The following DNAAF11 variants were observed in gnomAD, a reference collection of about 807,000 sequenced individuals.
DNAAF11 encodes dynein axonemal assembly factor 11, also known as leucine rich repeat containing 6.
A neutral mutation model predicts 60.8 loss-of-function variants in DNAAF11; 45 were observed. The ratio of observed to expected loss-of-function variants is 0.74; its 90% CI spans 0.58 to 0.95. DNAAF11 has a LOEUF of 0.95. DNAAF11 is among the 40% of genes least tolerant of loss of function. The probability of loss-of-function intolerance (pLI) is 0.00; values close to 1 mark genes in which losing one functional copy is unlikely to be tolerated. For synonymous variants in DNAAF11, 191 were observed against 183.5 expected (o/e 1.04, Z -0.33); for missense variants, 546 against 546.2 (o/e 1.00, Z 0.00).
chr8:132,589,602 T>C (rs559691091), intron 10 of DNAAF11, among the ~76,000 whole-genome samples: 1 of 152,356 alleles, frequency 6.6e-6, no homozygotes, highest in Non-Finnish European at 1.5e-5. Context: ...TTTCTGTTCC[T>C]GCACCCAACC....
chr8:132,663,960 G>T (rs539486747), intron 1 of DNAAF11, among the ~76,000 whole-genome samples: 4 of 152,332 alleles, frequency 2.6e-5, no homozygotes, highest in Admixed American at 6.5e-5. Flanking sequence ...AGTCAGAGAT[G>T]GGAAGAAAAG....
intron 7 of DNAAF11, among the ~76,000 whole-genome samples, chr8:132,620,222 A>T (rs944529568): frequency 6.6e-6 from 1 of 152,150 alleles, no homozygotes; most frequent in African/African-American, 2.4e-5. Flanking sequence ...GGACCAGCCC[A>T]AGAGTGGGTA....
intron 8 of DNAAF11, among the ~76,000 whole-genome samples, chr8:132,613,512 T>G (rs1414509972): frequency 1.3e-5 from 2 of 152,180 alleles, no homozygotes; most frequent in African/African-American, 4.8e-5. Context: ...GATTAGTGGT[T>G]GCCATGAAGA....
In DNAAF11 at chr8:132,637,983, G is replaced by C; in HGVS notation, c.381C>G (p.Ser127=). The C allele has an allele frequency of 6.2e-7, 1 of 1,614,094 alleles. No individual in the cohort carries two copies. ...ELFLMGNPCA[S]FDHYREFVVA... Reference sequence around the variant, plus strand: ...CCACGAACTCCCTATAGTGGTCAAAGGAAGCACATGGGTTCCCCATGAGAA... The same window carrying C: ...CCACGAACTCCCTATAGTGGTCAAACGAAGCACATGGGTTCCCCATGAGAA... The change falls in exon 4 of 12, where the codon TCC becomes TCG. Residue 127 remains serine, a synonymous_variant. Coordinates refer to ENST00000620350, the MANE Select transcript of DNAAF11 (RefSeq NM_012472.6).
intron 3 of DNAAF11, among the ~76,000 whole-genome samples, chr8:132,650,872 T>C (rs1430904409): frequency 2.0e-5 from 3 of 152,212 alleles, no homozygotes; most frequent in African/African-American, 4.8e-5. Flanking sequence ...TATCTTTGGA[T>C]GTTGCTATAA....
the DNAAF11 span, among the ~76,000 whole-genome samples, chr8:132,693,782 C>A: frequency 3.3e-5 from 5 of 152,010 alleles, no homozygotes; most frequent in Admixed American, 6.6e-5. Context: ...GACAGGGGAG[C>A]AGCAAATGGC....
At chr8:132,578,200 T>G (rs1814958216) in intron 11 of DNAAF11, among the ~76,000 whole-genome samples, 1 of 152,132 alleles carries the variant, frequency 6.6e-6, no homozygotes, top group Admixed American at 6.6e-5. Flanking sequence ...GGGCCATAAT[T>G]TCTGGTCTCA....
the DNAAF11 span, among the ~76,000 whole-genome samples, chr8:132,693,583 T>C: frequency 5.3e-5 from 8 of 151,982 alleles, no homozygotes; most frequent in Non-Finnish European, 8.8e-5. Flanking sequence ...GAAGCTTATA[T>C]TAATACAGGA....
intron 4 of DNAAF11, among the ~76,000 whole-genome samples, chr8:132,635,325 G>A (rs1821186517): frequency 6.6e-6 from 1 of 152,178 alleles, no homozygotes; most frequent in South Asian, 2.1e-4. Context: ...TGCAAGTGCT[G>A]AAGCAGAGAG....
chr8:132,627,442 T>C (rs993384050), intron 5 of DNAAF11, among the ~76,000 whole-genome samples: 16 of 152,274 alleles, frequency 1.1e-4, no homozygotes, highest in East Asian at 3.9e-4. Flanking sequence ...TCTTCAACCA[T>C]TGCCTTCAAA....
At chr8:132,587,863 A>G (rs1816061978) in intron 10 of DNAAF11, among the ~76,000 whole-genome samples, 1 of 152,206 alleles carries the variant, frequency 6.6e-6, no homozygotes, top group Non-Finnish European at 1.5e-5. Flanking sequence ...ACGAGAGTTC[A>G]CTTTTCTACA....
upstream of DNAAF11, among the ~76,000 whole-genome samples, chr8:132,679,844 C>A (rs1354913335): frequency 1.3e-5 from 2 of 152,210 alleles, no homozygotes; most frequent in Non-Finnish European, 2.9e-5. Flanking sequence ...GAGGCCTCCA[C>A]AGCCACGTGG....
At chr8:132,628,034 C>A (rs1428740729) in intron 5 of DNAAF11, among the ~76,000 whole-genome samples, 1 of 152,182 alleles carries the variant, frequency 6.6e-6, no homozygotes, top group Admixed American at 6.5e-5. Context: ...CCCCTAGTGA[C>A]TTATTGCTGC....
intron 6 of DNAAF11, among the ~76,000 whole-genome samples, chr8:132,623,470 T>C (rs893214409): frequency 1.3e-5 from 2 of 151,986 alleles, no homozygotes; most frequent in Non-Finnish European, 1.5e-5. Context: ...TTAACACTCA[T>C]TACACTGAAG....
At chr8:132,687,368 A>G in the DNAAF11 span, 2 of 286,462 alleles carry the variant, frequency 7.0e-6, no homozygotes, top group Non-Finnish European at 6.9e-6. Context: ...AATGTATAAC[A>G]CAGAAAAAGA....
chr8:132,650,813 T>G (rs1159732661), intron 3 of DNAAF11, among the ~76,000 whole-genome samples: 8 of 152,310 alleles, frequency 5.3e-5, no homozygotes, highest in Admixed American at 3.9e-4. Context: ...TTCTTTCATA[T>G]AAGAAAAGAC....
At chr8:132,598,747 C>A (rs367744149) in intron 10 of DNAAF11, among the ~76,000 whole-genome samples, 2 of 152,126 alleles carry the variant, frequency 1.3e-5, no homozygotes, top group Non-Finnish European at 2.9e-5. Context: ...ACACAACATA[C>A]CAGAATCTGT....
chr8:132,692,520 T>C, the DNAAF11 span, among the ~76,000 whole-genome samples: 1 of 152,140 alleles, frequency 6.6e-6, no homozygotes, highest in Non-Finnish European at 1.5e-5. Flanking sequence ...CACTGAGAGA[T>C]TTTGATCCAG....
At chr8:132,673,893 T>G (rs895886991) in intron 1 of DNAAF11, among the ~76,000 whole-genome samples, 18 of 152,094 alleles carry the variant, frequency 1.2e-4, no homozygotes, top group African/African-American at 4.1e-4. Context: ...TGATTCAAGG[T>G]AGACACTCCG....
Sources: allele counts gnomAD v4.1 joint callset (sites outside exome capture counted in the v4.1 genomes callset), GRCh38; gene constraint gnomAD v4.1.1; transcripts MANE v1.5; gene names NCBI Gene and HGNC (gene_info 2026-07-23, HGNC 2026-07-21).